HMCN1: variants seen among roughly 807,000 people sequenced by gnomAD.
The protein encoded by HMCN1 is hemicentin-1.
HMCN1 carries 321 observed loss-of-function variants against 625.9 expected under a neutral mutation model. That is an observed-to-expected ratio of 0.51 (90% confidence interval 0.47 to 0.56). The LOEUF is 0.56. HMCN1 is among the 20% of genes least tolerant of loss of function. The pLI, the probability that HMCN1 is intolerant of heterozygous loss-of-function variation, is 0.00. For synonymous variants in HMCN1, 2,425 were observed against 2,417.6 expected, an observed-to-expected ratio of 1.00 and a Z score of -0.09; for missense variants, 6,588 against 6,887.3, an observed-to-expected ratio of 0.96 and a Z score of 1.54.
chr1:185,814,696 ATTTT>A (rs57781378), intron 1 of HMCN1, among the ~76,000 whole-genome samples: 19 of 145,930 alleles, frequency 1.3e-4, no homozygotes, highest in Non-Finnish European at 2.5e-4. Context: ...ATTATTATTT[ATTTT>A]TTTTTTTTTG....
chr1:185,792,322 A>G (rs1248295280), intron 1 of HMCN1, among the ~76,000 whole-genome samples: 3 of 152,230 alleles, frequency 2.0e-5, no homozygotes, highest in African/African-American at 7.2e-5. Context: ...GTTTTAATGG[A>G]CTGACATAAA....
intron 29 of HMCN1, among the ~76,000 whole-genome samples, chr1:186,005,724 T>C (rs1653584230): frequency 1.3e-5 from 2 of 152,200 alleles, no homozygotes; most frequent in South Asian, 4.1e-4. Flanking sequence ...GGATACTTTT[T>C]CTCATCATAA....
intron 104 of HMCN1, among the ~76,000 whole-genome samples, chr1:186,181,498 C>A (rs1463037292): frequency 6.6e-6 from 1 of 152,074 alleles, no homozygotes; most frequent in African/African-American, 2.4e-5. Context: ...TGAAGTAGGG[C>A]AGATGGTCTC....
chr1:186,057,968 C>T (rs1446795050), intron 46 of HMCN1, among the ~76,000 whole-genome samples: 1 of 151,948 alleles, frequency 6.6e-6, no homozygotes, highest in African/African-American at 2.4e-5. Flanking sequence ...CAGAAATCTG[C>T]ACTTGGCCCA....
At chr1:186,139,945 G>A (rs1441250368) in intron 89 of HMCN1, among the ~76,000 whole-genome samples, 1 of 152,064 alleles carries the variant, frequency 6.6e-6, no homozygotes. Flanking sequence ...CTCGGGGGCA[G>A]AAGATACTTG....
chr1:185,983,380 C>T (rs936400948), intron 18 of HMCN1, among the ~76,000 whole-genome samples: 5 of 151,788 alleles, frequency 3.3e-5, no homozygotes, highest in African/African-American at 7.3e-5. Flanking sequence ...GAGCCGAGAT[C>T]GTGCCACTGC....
chr1:185,893,170 C>T (rs1665242264), intron 4 of HMCN1, among the ~76,000 whole-genome samples: 1 of 152,230 alleles, frequency 6.6e-6, no homozygotes, highest in Non-Finnish European at 1.5e-5. Context: ...TGCTTCGGCT[C>T]ACGCACGGTG....
At chr1:185,806,402 T>G (rs1157606664) in intron 1 of HMCN1, among the ~76,000 whole-genome samples, 1 of 152,032 alleles carries the variant, frequency 6.6e-6, no homozygotes, top group Non-Finnish European at 1.5e-5. Context: ...CAACAAATGC[T>G]GGACTTGGTG....
intron 71 of HMCN1, 39 bp downstream of exon 71, chr1:186,108,636 A>G: frequency 6.2e-7 from 1 of 1,612,540 alleles, no homozygotes. Flanking sequence ...CCTTTTTGAG[A>G]TGAAAAAAGT....
intron 87 of HMCN1, 40 bp downstream of exon 87, chr1:186,136,977 T>C (rs1009004974): frequency 1.2e-6 from 2 of 1,605,260 alleles, no homozygotes; most frequent in Non-Finnish European, 1.7e-6. Flanking sequence ...AAACAGTACC[T>C]GGGGTGACTC....
intron 30 of HMCN1, among the ~76,000 whole-genome samples, chr1:186,014,580 G>A (rs564547206): frequency 9.9e-4 from 151 of 152,136 alleles, no homozygotes; most frequent in African/African-American, 3.4e-3. Flanking sequence ...TGAGAGGCCA[G>A]ACTTGTGGTT....
intron 1 of HMCN1, among the ~76,000 whole-genome samples, chr1:185,738,463 T>G (rs971351220): frequency 1.3e-5 from 2 of 152,248 alleles, no homozygotes; most frequent in Non-Finnish European, 2.9e-5. Flanking sequence ...TTTTCAAGGT[T>G]CATCCATGTT....
chr1:186,139,997 A>AGAG (rs1649850138), intron 89 of HMCN1, among the ~76,000 whole-genome samples: 2 of 152,224 alleles, frequency 1.3e-5, no homozygotes, highest in African/African-American at 2.4e-5. Flanking sequence ...AACTTAAAAA[A>AGAG]GAGTTGCAAG....
intron 97 of HMCN1, among the ~76,000 whole-genome samples, chr1:186,160,372 C>G (rs2102601654): frequency 6.8e-6 from 1 of 148,138 alleles, no homozygotes; most frequent in African/African-American, 2.5e-5. Flanking sequence ...AAAAAACCAG[C>G]TCCTGGATTC....
intron 5 of HMCN1, among the ~76,000 whole-genome samples, chr1:185,911,008 A>G (rs1213667839): frequency 6.6e-6 from 1 of 152,188 alleles, no homozygotes; most frequent in Non-Finnish European, 1.5e-5. Flanking sequence ...GATAAATGTC[A>G]GGTCAGTAGG....
chr1:186,189,958 T>C lies in HMCN1; in HGVS notation c.*80T>C. 6.6e-7 allele frequency: 1 copy of C among 1,512,318 alleles called. No individual in the cohort carries two copies. Among genetic ancestry groups the C allele is most frequent in the East Asian group, 2.3e-5 (1 of 44,386 alleles). 93.7% of individuals were successfully genotyped at this position (1,512,318 alleles called of 1,614,324 possible). On this transcript the variant is annotated 3_prime_UTR_variant, in exon 107 of 107. Transcript: ENST00000271588. ...AGCCCCCTTCCAGATTACTGTCTCT[T>C]GAACAGTTGCAATCTTGGCAGCTTG...
chr1:186,124,100 C>T (rs1296842992), intron 81 of HMCN1, among the ~76,000 whole-genome samples: 1 of 152,028 alleles, frequency 6.6e-6, no homozygotes, highest in Non-Finnish European at 1.5e-5. Context: ...AAATAATACT[C>T]CTTCTTCTCA....
chr1:185,902,430 T>C (rs1261323267), intron 4 of HMCN1, among the ~76,000 whole-genome samples: 1 of 149,640 alleles, frequency 6.7e-6, no homozygotes, highest in African/African-American at 2.5e-5. Flanking sequence ...TATCTATCTA[T>C]CTATCTATCT....
intron 11 of HMCN1, among the ~76,000 whole-genome samples, chr1:185,934,646 G>A (rs1031530731): frequency 6.6e-6 from 1 of 152,190 alleles, no homozygotes; most frequent in Non-Finnish European, 1.5e-5. Context: ...AAGCTGAAAG[G>A]TTCAGTTGCT....
Sources: gnomAD v4.1 joint callset for allele counts (sites outside exome capture counted in the v4.1 genomes callset) on GRCh38, gnomAD v4.1.1 for gene constraint, MANE v1.5 for transcripts, NCBI Gene and HGNC (gene_info 2026-07-23, HGNC 2026-07-21) for gene names.